Variants in CDK5RAP2 observed in about 807,000 individuals in gnomAD.
CDK5RAP2 encodes CDK5 regulatory subunit associated protein 2, also known as CDK5 regulatory subunit-associated protein 2.
Under a neutral mutation model 232.9 loss-of-function variants are expected in CDK5RAP2, and 147 were observed. That is an observed-to-expected ratio of 0.63 (90% CI 0.55 to 0.72). CDK5RAP2 has a LOEUF of 0.72. Ranked by LOEUF, CDK5RAP2 falls within the 30% of genes least tolerant of loss-of-function variation. The pLI, the probability that CDK5RAP2 is intolerant of heterozygous loss-of-function variation, is 0.00. For missense variants in CDK5RAP2, 2,195 were observed against 2,231.5 expected (o/e 0.98, Z 0.33); for synonymous variants, 833 against 833.7 (o/e 1.00, Z 0.01).
intron 3 of CDK5RAP2, among the ~76,000 whole-genome samples, chr9:120,565,042 C>A (rs1441971335): frequency 6.6e-6 from 1 of 152,192 alleles, no homozygotes. Context: ...GGATATTAGA[C>A]AATGGATTAC....
intron 32 of CDK5RAP2, among the ~76,000 whole-genome samples, chr9:120,405,499 T>TC (rs901863752): frequency 9.9e-4 from 151 of 152,178 alleles, no homozygotes; most frequent in African/African-American, 3.5e-3. Context: ...TGCTTCAAAC[T>TC]CCCCTAGCCT....
chr9:120,411,299 T>G, intron 29 of CDK5RAP2, 59 bp downstream of exon 29: 2 of 1,053,032 alleles, frequency 1.9e-6, no homozygotes, highest in South Asian at 2.5e-5. Flanking sequence ...GCCTGCATTC[T>G]TTCCATGACA....
chr9:120,402,662 G>T, intron 34 of CDK5RAP2, 144 bp downstream of exon 34: 1 of 877,012 alleles, frequency 1.1e-6, no homozygotes, highest in Non-Finnish European at 1.8e-6. Context: ...CACTGGACCT[G>T]ACCTCTGAGC....
intron 21 of CDK5RAP2, 93 bp downstream of exon 21, chr9:120,453,363 A>G: frequency 8.3e-7 from 1 of 1,203,426 alleles, no homozygotes; most frequent in Non-Finnish European, 1.2e-6. Flanking sequence ...TTCTTGTCAT[A>G]TAAATGGGAA....
At chr9:120,506,653 G>A (rs1288688285) in intron 12 of CDK5RAP2, among the ~76,000 whole-genome samples, 1 of 152,182 alleles carries the variant, frequency 6.6e-6, no homozygotes, top group Non-Finnish European at 1.5e-5. Flanking sequence ...AACCCTCATG[G>A]ATGACTTTGA....
intron 21 of CDK5RAP2, among the ~76,000 whole-genome samples, chr9:120,448,407 T>A (rs1301756020): frequency 6.6e-6 from 1 of 152,178 alleles, no homozygotes; most frequent in Non-Finnish European, 1.5e-5. Flanking sequence ...CAGTTCTTCT[T>A]CCAACCTGAT....
At position 120,523,191 on chromosome 9, in the gene CDK5RAP2, TA is replaced by T. The variant is rs528225474; in HGVS notation, c.1092+1794del. Among the ~76,000 whole-genome samples, 206 of 152,356 alleles carry T rather than the reference TA, an allele frequency of 1.4e-3. 1 individual carries two copies. The highest frequency in any genetic ancestry group is 4.5e-3 in the African/African-American group (188 of 41,584). On this transcript the variant is annotated intron_variant, in intron 11 of 37. Coordinates refer to ENST00000349780, the MANE Select transcript of CDK5RAP2 (RefSeq NM_018249.6). Reference sequence around the variant, plus strand: ...ATTGTAAGACCTCAAAACTCATTCTTAAAGTCTTTTGACTAAGACTGGGGTT... The same window carrying T: ...ATTGTAAGACCTCAAAACTCATTCTTAAGTCTTTTGACTAAGACTGGGGTT...
chr9:120,460,701 C>T, intron 18 of CDK5RAP2, 34 bp from the exon 19 acceptor site: 2 of 1,613,152 alleles, frequency 1.2e-6, no homozygotes, highest in Admixed American at 1.7e-5. Context: ...GAAAATGCAA[C>T]CCAAAAAAGT....
intron 12 of CDK5RAP2, among the ~76,000 whole-genome samples, chr9:120,507,275 G>A (rs62577978): frequency 0.096 from 14,557 of 152,208 alleles, 949 homozygotes; most frequent in Middle Eastern, 0.16. Flanking sequence ...CAAAAAATTC[G>A]TAAGACTCGC....
intron 17 of CDK5RAP2, 139 bp downstream of exon 17, chr9:120,469,972 G>A: frequency 1.7e-6 from 1 of 603,936 alleles, no homozygotes; most frequent in South Asian, 1.9e-5. Context: ...GACACAGGAG[G>A]GGCACACACA....
intron 3 of CDK5RAP2, among the ~76,000 whole-genome samples, chr9:120,559,310 AC>A (rs2042368799): frequency 6.6e-6 from 1 of 151,676 alleles, no homozygotes; most frequent in Non-Finnish European, 1.5e-5. Flanking sequence ...ACACGATGAA[AC>A]CCCGTCTCTA....
chr9:120,525,002 T>C lies in CDK5RAP2; in HGVS notation c.1076A>G (p.Gln359Arg), dbSNP rs1447905163. The change falls in exon 11 of 38, where the codon CAG (glutamine) becomes CGG (arginine). Residue 359 changes from glutamine to arginine, a missense_variant. Physicochemically the swap from Gln to Arg is conservative, Grantham distance 43 (BLOSUM62 1). Coordinates refer to ENST00000349780, the MANE Select transcript of CDK5RAP2 (RefSeq NM_018249.6). ...TACACTTACCTGAAATTCCTGGGTC[T>C]GTGCTTTCTGTAGGGCCTCTCTGGC... Reference protein sequence around the residue: ...AKAREALQKAQTQEFQGSEDY... With the variant: ...AKAREALQKARTQEFQGSEDY... The C allele has an allele frequency of 1.9e-6, 3 of 1,613,860 alleles. No individual in the cohort carries two copies. The highest frequency in any genetic ancestry group is 2.2e-5 in the East Asian group (1 of 44,882).
At chr9:120,420,701 CCA>C (rs1026567388) in intron 26 of CDK5RAP2, among the ~76,000 whole-genome samples, 1 of 152,172 alleles carries the variant, frequency 6.6e-6, no homozygotes, top group Admixed American at 6.5e-5. Context: ...TTGTCAACAG[CCA>C]CAGTCTCATT....
chr9:120,398,945 C>A (rs139248540), intron 35 of CDK5RAP2, among the ~76,000 whole-genome samples: 344 of 152,320 alleles, frequency 2.3e-3, no homozygotes, highest in Admixed American at 3.6e-3. Flanking sequence ...ACATTTCACA[C>A]CAAGCAAAGG....
At position 120,458,508 on chromosome 9, in the gene CDK5RAP2, A is replaced by ATGCACC; in HGVS notation, c.2311_2316dup (p.Gly771_Ala772dup). The ATGCACC allele has an allele frequency of 6.2e-7, 1 of 1,614,206 alleles. No individual in the cohort carries two copies. Among genetic ancestry groups the ATGCACC allele is most frequent in the Non-Finnish European group, 8.5e-7 (1 of 1,180,020 alleles). Reference sequence around the variant, plus strand: ...AACAAAGGGGCAAGCAGGTTTATGAATGCACCTTCTTCTAGGCAGCCAGGT... The same window carrying ATGCACC: ...AACAAAGGGGCAAGCAGGTTTATGAATGCACCTGCACCTTCTTCTAGGCAGCCAGGT... On this transcript the variant is annotated inframe_insertion, in exon 20 of 38. Transcript: ENST00000349780.
intron 5 of CDK5RAP2, among the ~76,000 whole-genome samples, chr9:120,543,055 G>A (rs2041704231): frequency 6.6e-6 from 1 of 152,178 alleles, no homozygotes; most frequent in Admixed American, 6.5e-5. Context: ...TTGGTGGAGA[G>A]GAAGCTGGAG....
In CDK5RAP2 at chr9:120,524,902, C is replaced by T. The variant is rs1013050296; in HGVS notation, c.1092+84G>A. 15 of 952,240 alleles carry T rather than the reference C, an allele frequency of 1.6e-5. 1 individual carries two copies. The highest frequency in any genetic ancestry group is 2.4e-5 in the Non-Finnish European group (14 of 581,878). The allele number at this position is 952,240 out of a possible 1,614,324, so 59.0% of individuals were successfully genotyped here. A position where few individuals can be genotyped will look rare whatever the true frequency, so the allele number is the denominator to read the frequency against. On this transcript the variant is annotated intron_variant, in intron 11 of 37. Coordinates refer to ENST00000349780, the MANE Select transcript of CDK5RAP2 (RefSeq NM_018249.6). ...CCCACAGTTTTCCTTATTAAAATCA[C>T]CCAAGTTCTTTCAGCTGCAAAGTCC...
intron 20 of CDK5RAP2, among the ~76,000 whole-genome samples, chr9:120,458,176 AGTCCTTTCTGGGG>A (rs2036887247): frequency 6.6e-6 from 1 of 152,342 alleles, no homozygotes; most frequent in South Asian, 2.1e-4. Flanking sequence ...ACAGCAAGGC[AGTCCTTTCTGGGG>A]GCTCCCAGGA....
chr9:120,445,644 C>G (rs2036145454), intron 22 of CDK5RAP2, among the ~76,000 whole-genome samples: 1 of 152,220 alleles, frequency 6.6e-6, no homozygotes, highest in Non-Finnish European at 1.5e-5. Context: ...CCCCTCCTTA[C>G]TCAGCTTCTG....
Sources: gnomAD v4.1 joint callset for allele counts (sites outside exome capture counted in the v4.1 genomes callset) on GRCh38, gnomAD v4.1.1 for gene constraint, MANE v1.5 for transcripts, NCBI Gene and HGNC (gene_info 2026-07-23, HGNC 2026-07-21) for gene names.